VMP1: variants seen among roughly 807,000 people sequenced by gnomAD.
The protein encoded by VMP1 is ectopic P-granules autophagy protein 3 homolog.
Under a neutral mutation model 56.0 loss-of-function variants are expected in VMP1, and 11 were observed. The ratio of observed to expected loss-of-function variants is 0.20; its 90% CI spans 0.12 to 0.32. The LOEUF is 0.32. VMP1 is among the 10% of genes least tolerant of loss of function. VMP1 has a pLI of 1.00. For missense variants in VMP1, 296 were observed against 490.3 expected, an observed-to-expected ratio of 0.60 and a Z score of 3.74; for synonymous variants, 149 against 165.0, an observed-to-expected ratio of 0.90 and a Z score of 0.74.
chr17:59,769,049 A>C (rs1284945051), intron 6 of VMP1, among the ~76,000 whole-genome samples: 4 of 151,698 alleles, frequency 2.6e-5, no homozygotes, highest in Non-Finnish European at 5.9e-5. Context: ...TGAACCCGGG[A>C]GGCAGAGGTT....
intron 10 of VMP1, among the ~76,000 whole-genome samples, chr17:59,824,237 C>T (rs1163894572): frequency 4.2e-5 from 6 of 143,188 alleles, no homozygotes; most frequent in Non-Finnish European, 1.5e-5. Context: ...GGCGACACAG[C>T]GAGACTCTGT....
chr17:59,787,796 G>C (rs2037058034), intron 7 of VMP1, among the ~76,000 whole-genome samples: 1 of 152,090 alleles, frequency 6.6e-6, no homozygotes, highest in South Asian at 2.1e-4. Flanking sequence ...ACTCCAGCCT[G>C]GGTGACAGAG....
chr17:59,804,025 G>A (rs997109956), intron 7 of VMP1, among the ~76,000 whole-genome samples: 3 of 151,262 alleles, frequency 2.0e-5, no homozygotes, highest in Non-Finnish European at 4.4e-5. Context: ...AACAATATAC[G>A]TAGAATAAAA....
Position 59,841,367 on chromosome 17 carries a change from TC to T in VMP1, c.*1458del. On this transcript the variant is annotated 3_prime_UTR_variant, in exon 12 of 12. Coordinates refer to ENST00000262291, the MANE Select transcript of VMP1 (RefSeq NM_030938.5). ...GGTATCTTTCATCTGACCATCCATA[TC>T]CAATGTTCTCATTTAAACATTACCC... The T allele has an allele frequency of 2.0e-6, 1 of 494,956 alleles. No individual in the cohort carries two copies. The highest frequency in any genetic ancestry group is 4.4e-6 in the Non-Finnish European group (1 of 229,332). The allele number at this position is 494,956 out of a possible 1,614,324, so 30.7% of individuals were successfully genotyped here.
chr17:59,750,854 C>G (rs1237133035), intron 5 of VMP1, among the ~76,000 whole-genome samples: 1 of 151,256 alleles, frequency 6.6e-6, no homozygotes, highest in Admixed American at 6.6e-5. Flanking sequence ...CATTCATTTA[C>G]CTTATTTGAG....
At chr17:59,775,506 G>A (rs983127473) in intron 7 of VMP1, among the ~76,000 whole-genome samples, 8 of 151,862 alleles carry the variant, frequency 5.3e-5, no homozygotes, top group African/African-American at 1.7e-4. Context: ...ATTTGTTGTA[G>A]AGACAGGGTC....
At position 59,735,615 on chromosome 17, in the gene VMP1, TC is replaced by T. The variant is rs1021366065; in HGVS notation, c.212+143del. The T allele has an allele frequency of 1.4e-5, 13 of 898,218 alleles. No individual in the cohort carries two copies. The Admixed American group carries it at 3.6e-4, about 25-fold the overall frequency. The allele number at this position is 898,218 out of a possible 1,614,324, so 55.6% of individuals were successfully genotyped here. The stretch of plus-strand genomic sequence containing the variant: ...AATATTACCATAGGAACATATTTAT[TC>T]TCCTTTCTTTAGGTTGAAGAAAAAT... On this transcript the variant is annotated intron_variant, in intron 3 of 11. Transcript: ENST00000262291.
intron 1 of VMP1, among the ~76,000 whole-genome samples, chr17:59,720,828 C>A (rs1385951161): frequency 6.6e-6 from 1 of 151,852 alleles, no homozygotes; most frequent in Non-Finnish European, 1.5e-5. Context: ...AAAACATTAG[C>A]CAGGTGTGAT....
intron 10 of VMP1, among the ~76,000 whole-genome samples, chr17:59,823,093 A>G (rs2038509330): frequency 6.6e-6 from 1 of 152,108 alleles, no homozygotes; most frequent in Non-Finnish European, 1.5e-5. Flanking sequence ...TCTTGAAAAA[A>G]AGAAAGGAAG....
At chr17:59,818,977 C>T (rs7224006) in intron 10 of VMP1, among the ~76,000 whole-genome samples, 91,480 of 151,914 alleles carry the variant, frequency 0.6, 28,836 homozygotes, top group Non-Finnish European at 0.7. Flanking sequence ...CCACTTGATG[C>T]TGAGTTTGTG....
Position 59,840,098 on chromosome 17 carries a change from C to A in VMP1, c.*187C>A. 1.5e-6 allele frequency: 1 copy of A among 650,692 alleles called. No homozygotes were observed. The highest frequency in any genetic ancestry group is 2.5e-6 in the Non-Finnish European group (1 of 404,034). The allele number at this position is 650,692 out of a possible 1,614,324, so 40.3% of individuals were successfully genotyped here. A position where few individuals can be genotyped will look rare whatever the true frequency, so the allele number is the denominator to read the frequency against. On this transcript the variant is annotated 3_prime_UTR_variant, in exon 12 of 12. Coordinates refer to ENST00000262291, the MANE Select transcript of VMP1 (RefSeq NM_030938.5). ...TTCCTTCTGTGCTAAGGTAAGGTAT[C>A]CACCCTCGATGCAATCCACCTTGTG...
chr17:59,730,843 G>A (rs550982618), intron 1 of VMP1, among the ~76,000 whole-genome samples: 1 of 142,582 alleles, frequency 7.0e-6, no homozygotes, highest in South Asian at 2.2e-4. Flanking sequence ...TTCAAGTTTG[G>A]TTTTTTTTTT....
chr17:59,726,291 G>GTTTTTTTTTTT (rs541555827), intron 1 of VMP1, among the ~76,000 whole-genome samples: 4 of 145,056 alleles, frequency 2.8e-5, no homozygotes, highest in Non-Finnish European at 1.5e-5. Context: ...AGTTTTTTTT[G>GTTTTTTTTTTT]TTTTTTTTTT....
chr17:59,779,300 C>T (rs1011119701), intron 7 of VMP1, among the ~76,000 whole-genome samples: 2 of 152,154 alleles, frequency 1.3e-5, no homozygotes, highest in Non-Finnish European at 2.9e-5. Flanking sequence ...CAAGTATGTC[C>T]TGAGCCCAGA....
chr17:59,748,706 C>T (rs1034546015), intron 5 of VMP1, among the ~76,000 whole-genome samples: 14 of 151,982 alleles, frequency 9.2e-5, no homozygotes, highest in Admixed American at 5.9e-4. Flanking sequence ...TAATAATTTT[C>T]AATTTATATG....
At chr17:59,777,730 C>T (rs912684537) in intron 7 of VMP1, among the ~76,000 whole-genome samples, 36 of 151,972 alleles carry the variant, frequency 2.4e-4, no homozygotes, top group Non-Finnish European at 3.8e-4. Context: ...AGGAGAATCG[C>T]GTGAACCCTG....
chr17:59,790,724 G>A (rs1242381985), intron 7 of VMP1, among the ~76,000 whole-genome samples: 1 of 152,186 alleles, frequency 6.6e-6, no homozygotes, highest in Non-Finnish European at 1.5e-5. Flanking sequence ...CCAGGGGGCA[G>A]AGGCTGCAGT....
rs2039165358 is a variant in VMP1 at position 59,841,813 on chromosome 17, A to G, written c.*1902A>G. 1 of 152,212 alleles carries G rather than the reference A, an allele frequency of 6.6e-6. No homozygotes were observed. The highest frequency in any genetic ancestry group is 1.5e-5 in the Non-Finnish European group (1 of 68,066). 9.4% of individuals were successfully genotyped at this position (152,212 alleles called of 1,614,324 possible). A position where few individuals can be genotyped will look rare whatever the true frequency, so the allele number is the denominator to read the frequency against. On this transcript the variant is annotated 3_prime_UTR_variant, in exon 12 of 12. Transcript: ENST00000262291. ...AAAGAGGAAAGCAAATACGAATTGT[A>G]CTATTTGTACCAAATCTTTGGGATT... is the stretch of plus-strand genomic sequence containing the variant.
intron 3 of VMP1, among the ~76,000 whole-genome samples, chr17:59,736,995 C>T (rs1395253212): frequency 1.3e-5 from 2 of 151,828 alleles, no homozygotes; most frequent in African/African-American, 2.4e-5. Flanking sequence ...GAGCTGAGGT[C>T]GCACCACTGC....
Sources: allele counts gnomAD v4.1 joint callset (sites outside exome capture counted in the v4.1 genomes callset), GRCh38; gene constraint gnomAD v4.1.1; transcripts MANE v1.5; gene names NCBI Gene and HGNC (gene_info 2026-07-23, HGNC 2026-07-21).